Variants in CA10 observed in about 807,000 individuals in gnomAD.
CA10 encodes carbonic anhydrase-related protein 10.
A neutral mutation model predicts 44.2 loss-of-function variants in CA10; 14 were observed. The observed-to-expected ratio is 0.32, with a 90% CI of 0.21 to 0.50. CA10 has a LOEUF of 0.50. Among genes scored for constraint, CA10 ranks in the 20% least tolerant of loss-of-function variants. CA10 has a pLI of 0.99. For missense variants in CA10, 350 were observed against 409.7 expected (o/e 0.85, Z 1.26); for synonymous variants, 159 against 141.6 (o/e 1.12, Z -0.87).
intron 3 of CA10, among the ~76,000 whole-genome samples, chr17:51,834,000 G>A (rs903860583): frequency 1.3e-5 from 2 of 152,206 alleles, no homozygotes; most frequent in African/African-American, 4.8e-5. Flanking sequence ...AAAAGGATGC[G>A]AAGATGATTT....
intron 3 of CA10, among the ~76,000 whole-genome samples, chr17:51,916,779 G>A (rs1982016036): frequency 6.6e-6 from 1 of 152,140 alleles, no homozygotes; most frequent in Non-Finnish European, 1.5e-5. Flanking sequence ...TCAAGCCTAT[G>A]CTCTCCCCTG....
At chr17:52,006,108 G>A (rs1488882664) in intron 2 of CA10, among the ~76,000 whole-genome samples, 1 of 151,792 alleles carries the variant, frequency 6.6e-6, no homozygotes, top group Non-Finnish European at 1.5e-5. Context: ...AATCGCTGAT[G>A]AACAGAGACC....
intron 1 of CA10, among the ~76,000 whole-genome samples, chr17:52,108,302 G>A (rs1988712736): frequency 6.7e-6 from 1 of 149,854 alleles, no homozygotes; most frequent in Non-Finnish European, 1.5e-5. Flanking sequence ...GGATGAGACT[G>A]GAGACTATTA....
chr17:51,929,408 T>G (rs1346640364), intron 3 of CA10, among the ~76,000 whole-genome samples: 4 of 152,172 alleles, frequency 2.6e-5, no homozygotes. Flanking sequence ...GAACACTGCC[T>G]CAGGACCTGC....
At chr17:52,019,799 T>C (rs1986078809) in intron 2 of CA10, among the ~76,000 whole-genome samples, 1 of 152,066 alleles carries the variant, frequency 6.6e-6, no homozygotes, top group South Asian at 2.1e-4. Flanking sequence ...CCATGGGTTA[T>C]TTAGAAATAC....
At chr17:51,646,144 A>C (rs1913325992) in intron 6 of CA10, among the ~76,000 whole-genome samples, 1 of 152,188 alleles carries the variant, frequency 6.6e-6, no homozygotes, top group Non-Finnish European at 1.5e-5. Context: ...TATTACGCAG[A>C]AGTTGCTGAC....
At chr17:51,781,707 C>T (rs1430373545) in intron 3 of CA10, among the ~76,000 whole-genome samples, 1 of 152,148 alleles carries the variant, frequency 6.6e-6, no homozygotes, top group African/African-American at 2.4e-5. Context: ...CATGTGACAC[C>T]TCCCTTTTCT....
intron 3 of CA10, among the ~76,000 whole-genome samples, chr17:51,753,712 C>A (rs1904974221): frequency 1.3e-5 from 2 of 152,170 alleles, no homozygotes; most frequent in Admixed American, 1.3e-4. Context: ...CAGGGCATAC[C>A]TGTCTTACCT....
intron 2 of CA10, among the ~76,000 whole-genome samples, chr17:51,959,797 GAAAAAA>G (rs3062037): frequency 8.9e-6 from 1 of 112,376 alleles, no homozygotes; most frequent in African/African-American, 3.3e-5. Flanking sequence ...CTGCTAAGAT[GAAAAAA>G]AAAAAAAAAA....
chr17:51,776,578 T>C (rs1905829442), intron 3 of CA10, among the ~76,000 whole-genome samples: 1 of 152,204 alleles, frequency 6.6e-6, no homozygotes, highest in Non-Finnish European at 1.5e-5. Flanking sequence ...ACATCTCAAC[T>C]TGAGTACCAG....
intron 4 of CA10, among the ~76,000 whole-genome samples, chr17:51,721,328 T>C (rs1598009005): frequency 6.6e-6 from 1 of 152,162 alleles, no homozygotes; most frequent in East Asian, 1.9e-4. Flanking sequence ...TGAGACTTCA[T>C]CTCAAAAATA....
intron 1 of CA10, among the ~76,000 whole-genome samples, chr17:52,079,442 G>C (rs1987907046): frequency 6.8e-6 from 1 of 146,948 alleles, no homozygotes; most frequent in African/African-American, 2.6e-5. Context: ...CTGGGGGACA[G>C]AGCGAGACTC....
chr17:51,790,617 C>T (rs748709408), intron 3 of CA10, among the ~76,000 whole-genome samples: 6 of 152,112 alleles, frequency 3.9e-5, no homozygotes, highest in Non-Finnish European at 7.4e-5. Context: ...GCAGAGATTC[C>T]GTCTACTCAT....
At chr17:51,901,739 A>G (rs975265237) in intron 3 of CA10, among the ~76,000 whole-genome samples, 4 of 152,142 alleles carry the variant, frequency 2.6e-5, no homozygotes, top group African/African-American at 9.7e-5. Flanking sequence ...ACACCATGGT[A>G]ATTTTAATAA....
intron 1 of CA10, among the ~76,000 whole-genome samples, chr17:52,111,858 AAG>A (rs1229935056): frequency 1.3e-5 from 2 of 152,260 alleles, no homozygotes; most frequent in African/African-American, 4.8e-5. Flanking sequence ...GACAAATAAA[AAG>A]GAGCCTAAAC....
At chr17:51,951,325 T>C (rs868677400) in intron 2 of CA10, among the ~76,000 whole-genome samples, 6 of 152,138 alleles carry the variant, frequency 3.9e-5, no homozygotes, top group African/African-American at 9.7e-5. Flanking sequence ...TTTCTTTCAA[T>C]AAGGACCATA....
intron 4 of CA10, among the ~76,000 whole-genome samples, chr17:51,717,847 A>ACACG (rs1458228063): frequency 2.4e-5 from 2 of 83,066 alleles, no homozygotes; most frequent in African/African-American, 9.7e-5. Context: ...ATATATATAT[A>ACACG]TATATATATA....
intron 3 of CA10, among the ~76,000 whole-genome samples, chr17:51,922,948 T>G (rs1467599831): frequency 6.6e-6 from 1 of 152,146 alleles, no homozygotes; most frequent in Non-Finnish European, 1.5e-5. Flanking sequence ...CCTATCACTT[T>G]CTCCTGGAAA....
intron 3 of CA10, among the ~76,000 whole-genome samples, chr17:51,757,691 A>T (rs1905113475): frequency 6.6e-6 from 1 of 152,206 alleles, no homozygotes; most frequent in Admixed American, 6.5e-5. Flanking sequence ...ATTCAAGTTG[A>T]CATCTGGACC....
Sources: allele counts gnomAD v4.1 joint callset (sites outside exome capture counted in the v4.1 genomes callset), GRCh38; gene constraint gnomAD v4.1.1; transcripts MANE v1.5; gene names NCBI Gene and HGNC (gene_info 2026-07-23, HGNC 2026-07-21).